The following HS3ST2 variants were observed in gnomAD, a reference collection of about 807,000 sequenced individuals.
The protein encoded by HS3ST2 is heparan sulfate-glucosamine 3-sulfotransferase 2, also known as heparan sulfate glucosamine 3-O-sulfotransferase 2.
A neutral mutation model predicts 26.3 loss-of-function variants in HS3ST2; 17 were observed. The observed-to-expected ratio is 0.65, with a 90% CI of 0.44 to 0.97. The LOEUF (loss-of-function observed/expected upper bound fraction) is 0.97, where lower values mean the gene tolerates loss of function less well. Among genes scored for constraint, HS3ST2 ranks in the 50% least tolerant of loss-of-function variants. The pLI, the probability that HS3ST2 is intolerant of heterozygous loss-of-function variation, is 0.00. For synonymous variants in HS3ST2, 237 were observed against 219.2 expected (o/e 1.08, Z -0.72); for missense variants, 402 against 501.2 (o/e 0.80, Z 1.89).
intron 1 of HS3ST2, among the ~76,000 whole-genome samples, chr16:22,856,131 A>T (rs933444874): frequency 6.6e-6 from 1 of 152,190 alleles, no homozygotes; most frequent in Non-Finnish European, 1.5e-5. Context: ...CTGCTTCCTA[A>T]GTATGGTAGA....
In HS3ST2 at chr16:22,866,024, G is replaced by A. The variant is rs146423025; in HGVS notation, c.486-48920G>A. ...AATCCTAAATTAGGACTAGAGGATG[G>A]TCTTTAATGTAATCAAGAACAATTA... On this transcript the variant is annotated intron_variant, in intron 1 of 1. Coordinates refer to ENST00000261374, the MANE Select transcript of HS3ST2 (RefSeq NM_006043.2). Among the ~76,000 whole-genome samples, 600 of 152,280 alleles carry A rather than the reference G, an allele frequency of 3.9e-3. 5 individuals carry two copies. Among genetic ancestry groups the A allele is most frequent in the South Asian group, 0.021 (101 of 4,828 alleles).
intron 1 of HS3ST2, among the ~76,000 whole-genome samples, chr16:22,828,500 C>T (rs1332321096): frequency 6.6e-6 from 1 of 152,230 alleles, no homozygotes; most frequent in African/African-American, 2.4e-5. Flanking sequence ...ATCTGAATCT[C>T]TCCGACTTTC....
intron 1 of HS3ST2, among the ~76,000 whole-genome samples, chr16:22,837,038 T>A (rs1596609009): frequency 6.6e-6 from 1 of 152,150 alleles, no homozygotes; most frequent in South Asian, 2.1e-4. Flanking sequence ...GCAGAGAAGA[T>A]TGATGTCAGC....
chr16:22,900,015 TAGAG>T (rs1008148111), intron 1 of HS3ST2, among the ~76,000 whole-genome samples: 2 of 152,226 alleles, frequency 1.3e-5, no homozygotes, highest in African/African-American at 4.8e-5. Context: ...CTGCTGAGTA[TAGAG>T]AGAGGGCACT....
intron 1 of HS3ST2, among the ~76,000 whole-genome samples, chr16:22,834,941 C>A (rs1901231730): frequency 7.0e-6 from 1 of 143,874 alleles, no homozygotes; most frequent in South Asian, 2.1e-4. Context: ...TAATTTTTTC[C>A]CTGTTGGAGA....
At chr16:22,826,090 C>CCCTG (rs1275978071) in intron 1 of HS3ST2, among the ~76,000 whole-genome samples, 1 of 152,110 alleles carries the variant, frequency 6.6e-6, no homozygotes, top group Non-Finnish European at 1.5e-5. Flanking sequence ...CTGCTATGTG[C>CCCTG]CAGGCAATGT....
intron 1 of HS3ST2, among the ~76,000 whole-genome samples, chr16:22,855,203 T>C (rs1255856394): frequency 1.3e-5 from 2 of 152,184 alleles, no homozygotes; most frequent in African/African-American, 4.8e-5. Context: ...TTATTGCTTT[T>C]AATTGATGAG....
intron 1 of HS3ST2, among the ~76,000 whole-genome samples, chr16:22,905,241 G>A (rs561264511): frequency 1.1e-4 from 16 of 152,260 alleles, no homozygotes; most frequent in Admixed American, 7.2e-4. Context: ...GTAAGTTTCC[G>A]ATGATGGCCC....
intron 1 of HS3ST2, among the ~76,000 whole-genome samples, chr16:22,908,429 T>G (rs1266094552): frequency 1.3e-5 from 2 of 152,170 alleles, no homozygotes; most frequent in East Asian, 3.8e-4. Context: ...TCTTAGTCCA[T>G]TTTCTGTTGC....
intron 1 of HS3ST2, among the ~76,000 whole-genome samples, chr16:22,884,107 T>G (rs1902028443): frequency 6.6e-6 from 1 of 152,220 alleles, no homozygotes; most frequent in African/African-American, 2.4e-5. Context: ...TGAGCTATGC[T>G]TGACCCAGAT....
chr16:22,816,140 T>A lies in HS3ST2; in HGVS notation c.485+1045T>A, dbSNP rs143331900. On this transcript the variant is annotated intron_variant, in intron 1 of 1. Transcript: ENST00000261374. ...TGCTGAAGTGTAGGACTGGCCCACA[T>A]GTGGGTGGTGTAATGTCCCGGCTCC... Among the ~76,000 whole-genome samples, 761 of 152,290 alleles carry A rather than the reference T, an allele frequency of 5.0e-3. 8 individuals carry two copies. The highest frequency in any genetic ancestry group is 0.017 in the African/African-American group (725 of 41,574).
intron 1 of HS3ST2, among the ~76,000 whole-genome samples, chr16:22,851,690 G>T (rs1901520330): frequency 6.6e-6 from 1 of 152,142 alleles, no homozygotes; most frequent in African/African-American, 2.4e-5. Context: ...AAGATAAAAG[G>T]TGAAGGACGC....
chr16:22,869,678 C>A (rs865916164), intron 1 of HS3ST2, among the ~76,000 whole-genome samples: 1 of 152,104 alleles, frequency 6.6e-6, no homozygotes, highest in Non-Finnish European at 1.5e-5. Flanking sequence ...ATGAGAACAG[C>A]GCAGGAAAGA....
At chr16:22,865,665 T>C (rs963240856) in intron 1 of HS3ST2, among the ~76,000 whole-genome samples, 1 of 152,328 alleles carries the variant, frequency 6.6e-6, no homozygotes, top group African/African-American at 2.4e-5. Context: ...AAAATATACT[T>C]CCTTGTTTAT....
At chr16:22,843,758 G>T (rs1165602435) in intron 1 of HS3ST2, among the ~76,000 whole-genome samples, 1 of 152,078 alleles carries the variant, frequency 6.6e-6, no homozygotes, top group South Asian at 2.1e-4. Context: ...ATCCTGTTCT[G>T]TTGGGTTTTT....
At chr16:22,873,854 C>A (rs370566916) in intron 1 of HS3ST2, among the ~76,000 whole-genome samples, 2 of 152,134 alleles carry the variant, frequency 1.3e-5, no homozygotes, top group Non-Finnish European at 2.9e-5. Flanking sequence ...GGGTCGACTG[C>A]GGCTGACTGA....
intron 1 of HS3ST2, 83 bp from the exon 2 acceptor site, chr16:22,914,861 T>C: frequency 5.6e-6 from 8 of 1,432,642 alleles, no homozygotes; most frequent in Non-Finnish European, 7.5e-6. Flanking sequence ...AACAGGCCCC[T>C]GGGTGGAAGG....
intron 1 of HS3ST2, among the ~76,000 whole-genome samples, chr16:22,907,134 A>G (rs1902367060): frequency 6.6e-6 from 1 of 152,224 alleles, no homozygotes; most frequent in East Asian, 1.9e-4. Context: ...AGTCTTAAAA[A>G]ATAAAAATAA....
intron 1 of HS3ST2, among the ~76,000 whole-genome samples, chr16:22,855,749 C>T (rs1052995543): frequency 7.3e-5 from 11 of 150,458 alleles, no homozygotes; most frequent in Non-Finnish European, 1.3e-4. Context: ...CCACTTCATA[C>T]GCTGACTTCA....
Sources: allele counts gnomAD v4.1 joint callset (sites outside exome capture counted in the v4.1 genomes callset), GRCh38; gene constraint gnomAD v4.1.1; transcripts MANE v1.5; gene names NCBI Gene and HGNC (gene_info 2026-07-23, HGNC 2026-07-21).